MITF: variants seen among roughly 807,000 people sequenced by gnomAD.
MITF encodes microphthalmia-associated transcription factor.
In MITF, 17 loss-of-function variants were observed where a neutral mutation model predicts 60.5. The observed-to-expected ratio is 0.28, with a 90% CI of 0.19 to 0.42. MITF has a LOEUF of 0.42. Among genes scored for constraint, MITF ranks in the 10% least tolerant of loss-of-function variants. The pLI is 1.00. For missense variants in MITF, 622 were observed against 683.5 expected (o/e 0.91, Z 1.00); for synonymous variants, 260 against 248.5 (o/e 1.05, Z -0.43).
chr3:69,786,942 A>G (rs1374282023), intron 1 of MITF, among the ~76,000 whole-genome samples: 1 of 152,126 alleles, frequency 6.6e-6, no homozygotes, highest in Non-Finnish European at 1.5e-5. Context: ...ATCATCATGT[A>G]CCTGGTTTCT....
Position 69,917,914 on chromosome 3 carries a change from A to G in MITF, c.355-19908A>G, listed in dbSNP as rs562120804. ...TTCTGCTAGCATGGTTGGGGACCAC[A>G]TTAAAATTCCACTTTGATCAATAGA... is the stretch of plus-strand genomic sequence containing the variant. On this transcript the variant is annotated intron_variant, in intron 2 of 9. Coordinates refer to ENST00000352241, the MANE Select transcript of MITF (RefSeq NM_001354604.2). 2.0e-5 allele frequency among the ~76,000 whole-genome samples: 3 copies of G among 152,326 alleles called. No individual in the cohort carries two copies. In the South Asian group the frequency reaches 6.2e-4, roughly 32 times the overall value.
intron 1 of MITF, among the ~76,000 whole-genome samples, chr3:69,802,311 A>G (rs2062934889): frequency 6.6e-6 from 1 of 152,176 alleles, no homozygotes; most frequent in Non-Finnish European, 1.5e-5. Context: ...CAATCGTGCC[A>G]AGGCTGAGAA....
chr3:69,877,679 C>T (rs2064386455), intron 1 of MITF, among the ~76,000 whole-genome samples: 1 of 152,074 alleles, frequency 6.6e-6, no homozygotes, highest in South Asian at 2.1e-4. Flanking sequence ...TCTGGGATAG[C>T]GTGAGGGTAA....
At chr3:69,943,149 A>G (rs1299667697) in intron 5 of MITF, among the ~76,000 whole-genome samples, 1 of 140,722 alleles carries the variant, frequency 7.1e-6, no homozygotes, top group African/African-American at 2.7e-5. Context: ...GGCTCAAGTG[A>G]TCTTCCTCCC....
chr3:69,768,377 T>A (rs2062335299), intron 1 of MITF, among the ~76,000 whole-genome samples: 1 of 152,222 alleles, frequency 6.6e-6, no homozygotes, highest in East Asian at 1.9e-4. Flanking sequence ...AAGACACCTG[T>A]CTTCACTCCA....
chr3:69,936,683 T>G (rs752880210), intron 2 of MITF: 3 of 1,612,846 alleles, frequency 1.9e-6, no homozygotes, highest in Non-Finnish European at 2.5e-6. Context: ...AGGGATAGTC[T>G]ACCGTCTCTC....
At chr3:69,760,570 G>T (rs1314897830) in intron 1 of MITF, among the ~76,000 whole-genome samples, 3 of 152,216 alleles carry the variant, frequency 2.0e-5, no homozygotes, top group Non-Finnish European at 2.9e-5. Flanking sequence ...TAGAAAAAGG[G>T]TGGTAACTTT....
chr3:69,759,842 A>G (rs1195137481), intron 1 of MITF, among the ~76,000 whole-genome samples: 2 of 152,036 alleles, frequency 1.3e-5, no homozygotes, highest in South Asian at 2.1e-4. Flanking sequence ...CAGTGGCACG[A>G]TCTCGGCTCA....
intron 1 of MITF, among the ~76,000 whole-genome samples, chr3:69,849,273 T>G (rs946418958): frequency 2.6e-5 from 4 of 152,186 alleles, no homozygotes; most frequent in Admixed American, 1.3e-4. Flanking sequence ...CGGGCAAAGA[T>G]TCTTCTACAG....
intron 7 of MITF, among the ~76,000 whole-genome samples, chr3:69,955,866 C>T (rs539288528): frequency 4.5e-4 from 69 of 152,108 alleles, no homozygotes; most frequent in African/African-American, 1.3e-3. Flanking sequence ...GTATATACAA[C>T]GCAAATTTCA....
At chr3:69,890,022 C>T (rs9843115) in intron 2 of MITF, among the ~76,000 whole-genome samples, 3,870 of 152,148 alleles carry the variant, frequency 0.025, 150 homozygotes, top group African/African-American at 0.086. Flanking sequence ...ATTAATCACA[C>T]GAATATAAAA....
At chr3:69,934,684 T>G (rs1315398908) in intron 2 of MITF, among the ~76,000 whole-genome samples, 1 of 152,256 alleles carries the variant, frequency 6.6e-6, no homozygotes, top group Non-Finnish European at 1.5e-5. Context: ...CTCCACTGTC[T>G]GTGTTGTCAG....
At chr3:69,792,395 C>A (rs2062754728) in intron 1 of MITF, among the ~76,000 whole-genome samples, 1 of 152,062 alleles carries the variant, frequency 6.6e-6, no homozygotes, top group Admixed American at 6.6e-5. Context: ...TTTCCTCTCT[C>A]ATCTCCTTGC....
At chr3:69,953,018 A>G (rs1007714432) in intron 7 of MITF, among the ~76,000 whole-genome samples, 9 of 152,180 alleles carry the variant, frequency 5.9e-5, no homozygotes, top group African/African-American at 2.2e-4. Context: ...TTTGTGTACA[A>G]GAAAGTTTGT....
At chr3:69,849,004 G>A (rs1294313443) in intron 1 of MITF, among the ~76,000 whole-genome samples, 2 of 116,432 alleles carry the variant, frequency 1.7e-5, no homozygotes, top group Non-Finnish European at 3.3e-5. Context: ...TCGCTCTGTC[G>A]CCCAGGCTGG....
Position 69,814,883 on chromosome 3 carries a change from A to G in MITF, c.105-64251A>G, listed in dbSNP as rs138826346. Among the ~76,000 whole-genome samples, 9 of 152,232 alleles carry G rather than the reference A, an allele frequency of 5.9e-5. No homozygotes were observed. The East Asian group carries it at 1.7e-3, about 29-fold the overall frequency. ...TGGCACTTTGATGTTCAGGGATTTT[A>G]CTGGAGATCATATAGTGTCTGTGTA... On this transcript the variant is annotated intron_variant, in intron 1 of 9. Coordinates refer to ENST00000352241, the MANE Select transcript of MITF (RefSeq NM_001354604.2).
intron 1 of MITF, among the ~76,000 whole-genome samples, chr3:69,821,846 G>T (rs1169393555): frequency 6.6e-6 from 1 of 152,206 alleles, no homozygotes; most frequent in African/African-American, 2.4e-5. Flanking sequence ...CTGTCTCAGG[G>T]GTTCTTGTGC....
chr3:69,942,101 T>G (rs936897477), intron 5 of MITF, among the ~76,000 whole-genome samples: 3 of 152,136 alleles, frequency 2.0e-5, no homozygotes, highest in African/African-American at 7.2e-5. Context: ...CCTTTTCTGT[T>G]TCCTCTGAGA....
At chr3:69,766,169 A>G (rs2062288429) in intron 1 of MITF, among the ~76,000 whole-genome samples, 2 of 144,450 alleles carry the variant, frequency 1.4e-5, no homozygotes, top group South Asian at 4.5e-4. Context: ...TGAATTGTAT[A>G]TTTCACTAGC....
Sources: gnomAD v4.1 joint callset for allele counts (sites outside exome capture counted in the v4.1 genomes callset) on GRCh38, gnomAD v4.1.1 for gene constraint, MANE v1.5 for transcripts, NCBI Gene and HGNC (gene_info 2026-07-23, HGNC 2026-07-21) for gene names.